Variants in PTPRM observed in about 807,000 individuals in gnomAD.
PTPRM encodes protein tyrosine phosphatase receptor type M, also known as receptor-type tyrosine-protein phosphatase mu.
In PTPRM, 47 loss-of-function variants were observed where a neutral mutation model predicts 186.7. The observed-to-expected ratio is 0.25, with a 90% confidence interval of 0.20 to 0.32. The LOEUF (loss-of-function observed/expected upper bound fraction) is 0.32, where lower values mean the gene tolerates loss of function less well. PTPRM is among the 10% of genes least tolerant of loss of function. PTPRM has a pLI of 1.00. For synonymous variants in PTPRM, 668 were observed against 674.9 expected, an observed-to-expected ratio of 0.99 and a Z score of 0.16; for missense variants, 1,494 against 1,865.0, an observed-to-expected ratio of 0.80 and a Z score of 3.66.
Position 7,881,074 on chromosome 18 carries a change from G to T in PTPRM, c.197-7032G>T, listed in dbSNP as rs559114506. 8.9e-4 allele frequency among the ~76,000 whole-genome samples: 135 copies of T among 152,122 alleles called. 3 individuals are homozygous for T. The South Asian group carries it at 0.023, about 26-fold the overall frequency. On this transcript the variant is annotated intron_variant, in intron 2 of 32. Coordinates refer to ENST00000580170, the MANE Select transcript of PTPRM (RefSeq NM_001105244.2). ...TACACTTTTTTTTAATGAAAGCCTG[G>T]GTATGTGTGTGTGTAGGTAAATGTA...
intron 2 of PTPRM, among the ~76,000 whole-genome samples, chr18:7,813,772 C>T (rs938585045): frequency 2.0e-5 from 3 of 151,172 alleles, no homozygotes; most frequent in African/African-American, 4.9e-5. Context: ...TTTTTTTCCC[C>T]CTATGGGAGA....
rs1018429301 is a variant in PTPRM, at chr18:8,088,754, T to G, written c.1759T>G (p.Ser587Ala). ...NQFTTKISAP[S>A]MPAYELETPL... ...TTCTACGCCTTTTTCCCCAGCACCC[T>G]CTATGCCAGCTTATGAACTTGAGAC... Residue 587 changes from serine (S) to alanine (A), a missense_variant, in exon 11 of 33, where the codon TCT becomes GCT. By Grantham distance (99) the Ser-to-Ala change is moderately conservative. Transcript: ENST00000580170. 6.2e-7 allele frequency: 1 copy of G among 1,610,844 alleles called. No homozygotes were observed.
intron 31 of PTPRM, 134 bp from the exon 32 acceptor site, chr18:8,394,340 AGG>A: frequency 1.1e-6 from 1 of 924,568 alleles, no homozygotes; most frequent in Non-Finnish European, 1.5e-6. Flanking sequence ...GAATCTGCCC[AGG>A]TAAGAGGTCC....
At chr18:7,742,002 A>G (rs1281228856) in intron 1 of PTPRM, 2 of 152,216 alleles carry the variant, frequency 1.3e-5, no homozygotes, top group African/African-American at 2.4e-5. Flanking sequence ...TATGACATCT[A>G]TTAGAACCTA....
At chr18:8,089,014 G>A (rs1415605251) in intron 11 of PTPRM, among the ~76,000 whole-genome samples, 163 bp downstream of exon 11, 1 of 152,164 alleles carries the variant, frequency 6.6e-6, no homozygotes, top group East Asian at 1.9e-4. Context: ...GAAAATGAAA[G>A]GGCTTTGATG....
intron 2 of PTPRM, among the ~76,000 whole-genome samples, chr18:7,822,842 C>T (rs10502361): frequency 0.01 from 1,533 of 152,278 alleles, 45 homozygotes; most frequent in East Asian, 0.096. Context: ...TGGCCGTCCT[C>T]TCTTGTTTTC....
chr18:7,720,381 G>A (rs1287389148), intron 1 of PTPRM, among the ~76,000 whole-genome samples: 1 of 152,032 alleles, frequency 6.6e-6, no homozygotes, highest in Non-Finnish European at 1.5e-5. Flanking sequence ...AAAAAATCAG[G>A]ACATAGACCC....
intron 1 of PTPRM, among the ~76,000 whole-genome samples, chr18:7,578,557 G>A (rs572177186): frequency 1.3e-5 from 2 of 151,766 alleles, no homozygotes; most frequent in East Asian, 1.9e-4. Flanking sequence ...GGATGGTCTC[G>A]ATCTCCTGAC....
chr18:7,579,883 C>T (rs1301221403), intron 1 of PTPRM, among the ~76,000 whole-genome samples: 2 of 152,188 alleles, frequency 1.3e-5, no homozygotes, highest in African/African-American at 4.8e-5. Context: ...GGACCAAAAG[C>T]TTGGTGCTTT....
At chr18:8,035,385 GC>G (rs1420827966) in intron 7 of PTPRM, among the ~76,000 whole-genome samples, 1 of 151,974 alleles carries the variant, frequency 6.6e-6, no homozygotes, top group African/African-American at 2.4e-5. Flanking sequence ...TTCCAAGACT[GC>G]CCCCCTCCTC....
At chr18:8,178,110 G>A (rs912705896) in intron 14 of PTPRM, among the ~76,000 whole-genome samples, 1 of 152,188 alleles carries the variant, frequency 6.6e-6, no homozygotes, top group African/African-American at 2.4e-5. Flanking sequence ...ACCAGTTTCA[G>A]ATGTTGGGTG....
At chr18:7,984,179 G>A (rs1054746705) in intron 7 of PTPRM, among the ~76,000 whole-genome samples, 1 of 152,112 alleles carries the variant, frequency 6.6e-6, no homozygotes, top group Non-Finnish European at 1.5e-5. Flanking sequence ...AGCCACCATA[G>A]TCACCAAAGA....
intron 4 of PTPRM, among the ~76,000 whole-genome samples, chr18:7,913,807 T>G (rs2050406266): frequency 6.6e-6 from 1 of 152,046 alleles, no homozygotes; most frequent in Non-Finnish European, 1.5e-5. Context: ...GATGCCAATT[T>G]AAAAACAAAA....
chr18:7,652,782 T>C (rs1338151241), intron 1 of PTPRM, among the ~76,000 whole-genome samples: 24 of 147,650 alleles, frequency 1.6e-4, no homozygotes, highest in African/African-American at 5.2e-4. Context: ...AGGGATAGCA[T>C]TGGGAGATAT....
chr18:8,347,346 C>G (rs1272218701), intron 23 of PTPRM, among the ~76,000 whole-genome samples: 4 of 152,294 alleles, frequency 2.6e-5, no homozygotes, highest in African/African-American at 9.6e-5. Context: ...GACTCAGTGG[C>G]TTAAAAGGTT....
At chr18:8,297,520 A>G (rs571851187) in intron 20 of PTPRM, among the ~76,000 whole-genome samples, 1 of 152,222 alleles carries the variant, frequency 6.6e-6, no homozygotes, top group Non-Finnish European at 1.5e-5. Flanking sequence ...ACATAGGAGT[A>G]GCTGCACTGT....
At chr18:8,090,157 T>C (rs913472324) in intron 11 of PTPRM, among the ~76,000 whole-genome samples, 1 of 152,176 alleles carries the variant, frequency 6.6e-6, no homozygotes, top group Non-Finnish European at 1.5e-5. Context: ...ACTAATCCAA[T>C]GGACCCAAGG....
chr18:8,222,690 C>T (rs1271660285), intron 14 of PTPRM, among the ~76,000 whole-genome samples: 1 of 152,222 alleles, frequency 6.6e-6, no homozygotes, highest in African/African-American at 2.4e-5. Context: ...GCAGGACTTT[C>T]CTTGTCTAAG....
At chr18:7,621,863 A>G (rs982377103) in intron 1 of PTPRM, among the ~76,000 whole-genome samples, 3 of 152,082 alleles carry the variant, frequency 2.0e-5, no homozygotes, top group African/African-American at 4.8e-5. Context: ...TTATCCATTC[A>G]CCTACTGAAG....
Sources: gnomAD v4.1 joint callset for allele counts (sites outside exome capture counted in the v4.1 genomes callset) on GRCh38, gnomAD v4.1.1 for gene constraint, MANE v1.5 for transcripts, NCBI Gene and HGNC (gene_info 2026-07-23, HGNC 2026-07-21) for gene names.